Variants in LINS1 observed in about 807,000 individuals in gnomAD.
LINS1 encodes the protein protein Lines homolog 1.
In LINS1, 27 loss-of-function variants were observed where a neutral mutation model predicts 41.6. The observed-to-expected ratio is 0.65, with a 90% confidence interval of 0.48 to 0.89. LINS1 has a LOEUF of 0.89. Ranked by LOEUF, LINS1 falls within the 40% of genes least tolerant of loss-of-function variation. The pLI is 0.00. For missense variants in LINS1, 955 were observed against 884.1 expected (o/e 1.08, Z -1.02); for synonymous variants, 336 against 312.9 (o/e 1.07, Z -0.78).
At chr15:100,573,619 A>G in intron 5 of LINS1, 32 bp downstream of exon 5, 1 of 1,264,526 alleles carries the variant, frequency 7.9e-7, no homozygotes, top group Non-Finnish European at 1.2e-6. Context: ...AAATAATTAC[A>G]CACTGCATAC....
Position 100,575,111 on chromosome 15 carries a change from G to C in LINS1, c.507C>G (p.Ser169=). Residue 169 remains serine (S), a synonymous_variant, in exon 4 of 7, where the codon TCC becomes TCG. Coordinates refer to ENST00000314742, the MANE Select transcript of LINS1 (RefSeq NM_001040616.3). ...QLREKITLSN[S]WIAFCQKNLS... Reference sequence around the variant, plus strand: ...GATTTTTCTGGCAAAAAGCAATCCAGGAATTACTTAAGGTTATCTACAAGT... The same window carrying C: ...GATTTTTCTGGCAAAAAGCAATCCACGAATTACTTAAGGTTATCTACAAGT... 6.2e-7 allele frequency: 1 copy of C among 1,611,884 alleles called. No individual in the cohort carries two copies. Among genetic ancestry groups the C allele is most frequent in the Non-Finnish European group, 8.5e-7 (1 of 1,179,318 alleles).
chr15:100,572,193 C>A, intron 5 of LINS1, 128 bp from the exon 6 acceptor site: 1 of 1,509,714 alleles, frequency 6.6e-7, no homozygotes, highest in Non-Finnish European at 8.8e-7. Context: ...TTCAAAAAGT[C>A]ATCAGGAATC....
chr15:100,569,248 T>C lies in LINS1; in HGVS notation c.2264A>G (p.Asn755Ser), dbSNP rs1380085918. Residue 755 changes from asparagine (N) to serine (S), a missense_variant, in exon 7 of 7, where the codon AAC becomes AGC. Physicochemically the swap from Asn to Ser is conservative, Grantham distance 46 (BLOSUM62 1). Coordinates refer to ENST00000314742, the MANE Select transcript of LINS1 (RefSeq NM_001040616.3). ...TAAAATGTCAATGTTTTACAAAGTG[T>C]TCATAGTTTTATTACTTATCACCTC... The part of the protein sequence containing the change: ...YIEVISNKTM[N>S]TL The C allele has an allele frequency of 1.3e-6, 2 of 1,583,696 alleles. No individual in the cohort carries two copies. The highest frequency in any genetic ancestry group is 3.3e-5 in the Admixed American group (2 of 59,712).
chr15:100,589,865 G>A (rs1464163178), intron 1 of LINS1, among the ~76,000 whole-genome samples: 4 of 152,194 alleles, frequency 2.6e-5, no homozygotes, highest in Non-Finnish European at 4.4e-5. Flanking sequence ...ACGCCACAGT[G>A]TATTTTCACT....
At position 100,580,863 on chromosome 15, in the gene LINS1, T is replaced by C. The variant is rs754241158; in HGVS notation, c.-21A>G. ...TTCATTTTGACTTCCAAAATGTATC[T>C]TATAAGAAGGTCGACAACTCCAAGT... On this transcript the variant is annotated 5_prime_UTR_variant, in exon 2 of 7. Coordinates refer to ENST00000314742, the MANE Select transcript of LINS1 (RefSeq NM_001040616.3). 2.5e-6 allele frequency: 4 copies of C among 1,604,250 alleles called. No individual in the cohort carries two copies. Among genetic ancestry groups the C allele is most frequent in the South Asian group, 1.1e-5 (1 of 90,030 alleles).
chr15:100,569,625 G>T lies in LINS1; in HGVS notation c.1887C>A (p.Tyr629Ter). Reference protein sequence around the residue: ...SPRASQSLVDYDSSDDSDVES... With the variant: ...SPRASQSLVD Reference sequence around the variant, plus strand: ...CCACGTCAGAATCGTCAGAGCTGTCGTAATCTACCAGACTTTGAGAGGCCC... The same window carrying T: ...CCACGTCAGAATCGTCAGAGCTGTCTTAATCTACCAGACTTTGAGAGGCCC... Residue 629 changes from tyrosine (Y) to a stop codon, truncating the protein, a stop_gained, in exon 7 of 7, where the codon TAC (tyrosine) becomes TAA (stop). Coordinates refer to ENST00000314742, the MANE Select transcript of LINS1 (RefSeq NM_001040616.3). LOFTEE classifies it low-confidence loss of function (END_TRUNC). 1.9e-6 allele frequency: 3 copies of T among 1,613,218 alleles called. No individual in the cohort carries two copies. Among genetic ancestry groups the T allele is most frequent in the Non-Finnish European group, 2.5e-6 (3 of 1,179,340 alleles).
At chr15:100,601,808 G>C (rs2141376746) in intron 1 of LINS1, among the ~76,000 whole-genome samples, 1 of 152,134 alleles carries the variant, frequency 6.6e-6, no homozygotes, top group South Asian at 2.1e-4. Context: ...TCATTCACAG[G>C]AACCCGCCAA....
Position 100,573,700 on chromosome 15 carries a change from T to G in LINS1, c.1173A>C (p.Lys391Asn), listed in dbSNP as rs759924307. 9 of 1,611,310 alleles carry G rather than the reference T, an allele frequency of 5.6e-6. No individual in the cohort carries two copies. Among genetic ancestry groups the G allele is most frequent in the Non-Finnish European group, 1.7e-6 (2 of 1,178,792 alleles). Reference sequence around the variant, plus strand: ...AATTTTGAAACTTGATTTCTAAGGATTTCATTATAACTAAGCTTGCTGCTC... The same window carrying G: ...AATTTTGAAACTTGATTTCTAAGGAGTTCATTATAACTAAGCTTGCTGCTC... ...ILRAASLVIMKSLEIKFQNYS... is the reference protein window; with the variant it reads ...ILRAASLVIMNSLEIKFQNYS... Residue 391 changes from lysine to asparagine, a missense_variant, in exon 5 of 7, where the codon AAA becomes AAC. By Grantham distance (94) the Lys-to-Asn change is moderately conservative. Coordinates refer to ENST00000314742, the MANE Select transcript of LINS1 (RefSeq NM_001040616.3).
At chr15:100,593,333 A>G (rs566021990) in intron 1 of LINS1, among the ~76,000 whole-genome samples, 1 of 152,226 alleles carries the variant, frequency 6.6e-6, no homozygotes, top group Non-Finnish European at 1.5e-5. Flanking sequence ...AGGGTTACCC[A>G]TATTAAGTAT....
intron 1 of LINS1, among the ~76,000 whole-genome samples, chr15:100,581,178 A>C (rs2141311908): frequency 6.6e-6 from 1 of 152,308 alleles, no homozygotes; most frequent in South Asian, 2.1e-4. Flanking sequence ...CGCAGCAGAA[A>C]CTTGAGCTTT....
chr15:100,597,266 CTT>C (rs377527268), intron 1 of LINS1, among the ~76,000 whole-genome samples: 16 of 142,788 alleles, frequency 1.1e-4, no homozygotes, highest in Non-Finnish European at 1.1e-4. Flanking sequence ...AAAGGCAAAT[CTT>C]TTTTTTTTTT....
chr15:100,580,177 C>G (rs2038449199), intron 3 of LINS1, 86 bp downstream of exon 3: 2 of 1,030,686 alleles, frequency 1.9e-6, no homozygotes, highest in Non-Finnish European at 2.9e-6. Context: ...TTGGGCAACA[C>G]AGTGAGACCT....
At chr15:100,579,949 A>G (rs2038433826) in intron 3 of LINS1, among the ~76,000 whole-genome samples, 1 of 152,208 alleles carries the variant, frequency 6.6e-6, no homozygotes, top group Admixed American at 6.5e-5. Flanking sequence ...ACAAATCATC[A>G]TATTCTATTC....
chr15:100,570,024 C>T lies in LINS1; in HGVS notation c.1488G>A (p.Leu496=), dbSNP rs1567711178. The T allele has an allele frequency of 3.9e-6, 6 of 1,551,294 alleles. No individual in the cohort carries two copies. The Admixed American group carries it at 5.8e-5, about 15-fold the overall frequency. The change falls in exon 7 of 7, where the codon TTG becomes TTA. Residue 496 remains leucine (L), a synonymous_variant. Coordinates refer to ENST00000314742, the MANE Select transcript of LINS1 (RefSeq NM_001040616.3). ...CAAATCCTATATTTTTCAAGAAGAA[C>T]AAGAAAATACAGTGAGGATTATAGC... ...ENGYNPHCIF[L]FFLKNIGFDS... is the part of the protein sequence containing the mutation.
intron 1 of LINS1, among the ~76,000 whole-genome samples, chr15:100,591,597 C>T (rs115405783): frequency 0.015 from 2,281 of 152,292 alleles, 62 homozygotes; most frequent in African/African-American, 0.052. Flanking sequence ...CTAGAACAGA[C>T]TAGGTTTTGT....
At chr15:100,592,669 T>C (rs531444999) in intron 1 of LINS1, among the ~76,000 whole-genome samples, 38 of 152,340 alleles carry the variant, frequency 2.5e-4, no homozygotes, top group African/African-American at 7.5e-4. Context: ...CAAAAGGCCA[T>C]ATATATACTT....
intron 1 of LINS1, among the ~76,000 whole-genome samples, chr15:100,592,200 G>T (rs1346352003): frequency 2.0e-5 from 3 of 152,206 alleles, no homozygotes; most frequent in Non-Finnish European, 2.9e-5. Flanking sequence ...ACCCTGTGGG[G>T]TGTACTTTCA....
At chr15:100,572,301 C>T (rs2037875539) in intron 5 of LINS1, 2 of 1,303,400 alleles carry the variant, frequency 1.5e-6, no homozygotes, top group African/African-American at 1.5e-5. Flanking sequence ...ACAGCTACAT[C>T]ATCTATTTGC....
chr15:100,600,782 G>A (rs2039457049), intron 1 of LINS1, among the ~76,000 whole-genome samples: 1 of 152,130 alleles, frequency 6.6e-6, no homozygotes, highest in Non-Finnish European at 1.5e-5. Context: ...TGCCACTACT[G>A]CACTTCTACT....
Sources: allele counts gnomAD v4.1 joint callset (sites outside exome capture counted in the v4.1 genomes callset), GRCh38; gene constraint gnomAD v4.1.1; transcripts MANE v1.5; gene names NCBI Gene and HGNC (gene_info 2026-07-23, HGNC 2026-07-21).